The following ELAVL2 variants were observed in gnomAD, a reference collection of about 807,000 sequenced individuals.
ELAVL2 encodes the protein ELAV-like protein 2.
ELAVL2 carries 4 observed loss-of-function variants against 34.6 expected under a neutral mutation model. The observed-to-expected ratio is 0.12, with a 90% CI of 0.06 to 0.26. The LOEUF (loss-of-function observed/expected upper bound fraction) is 0.26, where lower values mean the gene tolerates loss of function less well. Among genes scored for constraint, ELAVL2 ranks in the 10% least tolerant of loss-of-function variants. ELAVL2 has a pLI of 1.00. For missense variants in ELAVL2, 432 were observed against 442.8 expected (o/e 0.98, Z 0.22); for synonymous variants, 193 against 154.8 (o/e 1.25, Z -1.83).
At chr9:23,818,167 T>A (rs1162260988) in intron 1 of ELAVL2, among the ~76,000 whole-genome samples, 1 of 151,952 alleles carries the variant, frequency 6.6e-6, no homozygotes, top group Non-Finnish European at 1.5e-5. Context: ...CAAGAAAAAA[T>A]TTTATGCATT....
intron 1 of ELAVL2, among the ~76,000 whole-genome samples, chr9:23,814,346 C>G (rs1161840033): frequency 6.6e-6 from 1 of 152,260 alleles, no homozygotes; most frequent in East Asian, 1.9e-4. Context: ...GAGCAGGTTG[C>G]ACCTGACCCC....
chr9:23,720,398 G>C (rs1376923693), intron 3 of ELAVL2, among the ~76,000 whole-genome samples: 1 of 149,692 alleles, frequency 6.7e-6, no homozygotes, highest in African/African-American at 2.5e-5. Context: ...AGCTGATCCT[G>C]AACTTCTGAC....
intron 2 of ELAVL2, among the ~76,000 whole-genome samples, chr9:23,752,342 C>G (rs544625006): frequency 6.6e-6 from 1 of 152,230 alleles, no homozygotes; most frequent in African/African-American, 2.4e-5. Context: ...TAGGCCACCT[C>G]CCTAGCAGGA....
At chr9:23,774,972 A>C (rs1199510672) in intron 1 of ELAVL2, among the ~76,000 whole-genome samples, 1 of 151,870 alleles carries the variant, frequency 6.6e-6, no homozygotes, top group Non-Finnish European at 1.5e-5. Context: ...AAAATCATAC[A>C]CTCTCCTATC....
At chr9:23,755,577 C>T (rs1460593211) in intron 2 of ELAVL2, among the ~76,000 whole-genome samples, 1 of 152,030 alleles carries the variant, frequency 6.6e-6, no homozygotes, top group Non-Finnish European at 1.5e-5. Flanking sequence ...GAGAGATGTT[C>T]CAAAAATAGA....
At chr9:23,792,288 T>C (rs552785504) in intron 1 of ELAVL2, among the ~76,000 whole-genome samples, 95 of 152,330 alleles carry the variant, frequency 6.2e-4, no homozygotes, top group African/African-American at 2.3e-3. Context: ...TTATGACATC[T>C]TCAACTTAAC....
intron 2 of ELAVL2, among the ~76,000 whole-genome samples, chr9:23,734,064 T>C (rs922600528): frequency 3.9e-5 from 6 of 152,214 alleles, no homozygotes; most frequent in South Asian, 4.1e-4. Context: ...TAAGCAAAAC[T>C]GTATTATTAT....
chr9:23,771,184 G>A (rs1300249750), intron 1 of ELAVL2, among the ~76,000 whole-genome samples: 2 of 152,176 alleles, frequency 1.3e-5, no homozygotes, highest in South Asian at 2.1e-4. Flanking sequence ...TGAAGTTGGG[G>A]AGAAGTCATC....
At chr9:23,822,246 T>C (rs1229199246) in intron 1 of ELAVL2, among the ~76,000 whole-genome samples, 1 of 151,920 alleles carries the variant, frequency 6.6e-6, no homozygotes, top group Non-Finnish European at 1.5e-5. Flanking sequence ...ATTCTCTTTT[T>C]CCCCCTACTT....
At chr9:23,733,579 T>C (rs2047127535) in intron 2 of ELAVL2, among the ~76,000 whole-genome samples, 5 of 152,198 alleles carry the variant, frequency 3.3e-5, no homozygotes, top group Admixed American at 2.0e-4. Context: ...TCTTCTAAAA[T>C]CTTCAAGTTA....
chr9:23,708,214 A>G (rs976027106), intron 3 of ELAVL2, among the ~76,000 whole-genome samples: 52 of 152,322 alleles, frequency 3.4e-4, no homozygotes, highest in African/African-American at 1.2e-3. Flanking sequence ...TAGATTATAT[A>G]TAAACTTACG....
At position 23,812,573 on chromosome 9, in the gene ELAVL2, C is replaced by T. The variant is rs562508552; in HGVS notation, c.-16+13233G>A. On this transcript the variant is annotated intron_variant, in intron 1 of 6. Coordinates refer to ENST00000397312, the MANE Select transcript of ELAVL2 (RefSeq NM_004432.5). Reference sequence around the variant, plus strand: ...CAGGGAGCATCAAAAACAAGCAACACGTTCACCTAAAAGAATCATATAATC... The same window carrying T: ...CAGGGAGCATCAAAAACAAGCAACATGTTCACCTAAAAGAATCATATAATC... 1.9e-3 allele frequency among the ~76,000 whole-genome samples: 295 copies of T among 152,148 alleles called. 2 individuals carry two copies. The highest frequency in any genetic ancestry group is 0.01 in the Middle Eastern group (3 of 292).
chr9:23,839,723 T>G, the ELAVL2 span, among the ~76,000 whole-genome samples: 1 of 152,206 alleles, frequency 6.6e-6, no homozygotes, highest in Non-Finnish European at 1.5e-5. Context: ...ATAGGTAGTT[T>G]ATAGCAGCTC....
At chr9:23,815,306 T>C (rs2063549791) in intron 1 of ELAVL2, among the ~76,000 whole-genome samples, 1 of 152,168 alleles carries the variant, frequency 6.6e-6, no homozygotes, top group African/African-American at 2.4e-5. Context: ...ATTTATATTT[T>C]CAAGGAAAAT....
At chr9:23,828,343 C>G (rs896856948), upstream of ELAVL2, among the ~76,000 whole-genome samples, 4 of 152,142 alleles carry the variant, frequency 2.6e-5, no homozygotes, top group Admixed American at 6.5e-5. Context: ...AATTTCAGTA[C>G]ATTGAAGTAA....
In ELAVL2 at chr9:23,770,424, A is replaced by C. The variant is rs899904392; in HGVS notation, c.-15-8175T>G. ...CAGAAGTGTGAATATGTTATGTTAC[A>C]TGACAAGGGGGAATTAAGATTGTAG... On this transcript the variant is annotated intron_variant, in intron 1 of 6. Transcript: ENST00000397312. Among the ~76,000 whole-genome samples, 16 of 152,274 alleles carry C rather than the reference A, an allele frequency of 1.1e-4. 1 individual carries two copies. The highest frequency in any genetic ancestry group is 1.9e-4 in the East Asian group (1 of 5,182).
chr9:23,822,580 C>T (rs764471261), intron 1 of ELAVL2, among the ~76,000 whole-genome samples: 3 of 152,216 alleles, frequency 2.0e-5, no homozygotes, highest in Non-Finnish European at 4.4e-5. Flanking sequence ...TGCCTGTCCT[C>T]AGACCCGGCC....
the ELAVL2 span, among the ~76,000 whole-genome samples, chr9:23,832,856 AGT>A: frequency 5.3e-5 from 8 of 152,146 alleles, no homozygotes; most frequent in African/African-American, 1.9e-4. Context: ...TGTTGGAAAA[AGT>A]GAGAAAAATT....
At chr9:23,791,366 C>T (rs1219890170) in intron 1 of ELAVL2, among the ~76,000 whole-genome samples, 4 of 152,112 alleles carry the variant, frequency 2.6e-5, no homozygotes, top group Non-Finnish European at 5.9e-5. Flanking sequence ...GTTCATGCCT[C>T]GAGAAATTAA....
Sources: gnomAD v4.1 joint callset for allele counts (sites outside exome capture counted in the v4.1 genomes callset) on GRCh38, gnomAD v4.1.1 for gene constraint, MANE v1.5 for transcripts, NCBI Gene and HGNC (gene_info 2026-07-23, HGNC 2026-07-21) for gene names.